Variants in NFYA observed in about 807,000 individuals in gnomAD.
The protein encoded by NFYA is nuclear transcription factor Y subunit alpha, also known as CAAT-box DNA binding protein subunit A.
A neutral mutation model predicts 52.8 loss-of-function variants in NFYA; 28 were observed. That is an observed-to-expected ratio of 0.53 (90% CI 0.39 to 0.73). The LOEUF (loss-of-function observed/expected upper bound fraction) is 0.73, where lower values mean the gene tolerates loss of function less well. NFYA is among the 30% of genes least tolerant of loss of function. The pLI is 0.00. For synonymous variants in NFYA, 150 were observed against 150.7 expected (o/e 1.00, Z 0.03); for missense variants, 234 against 427.0 (o/e 0.55, Z 3.98).
chr6:41,101,785 C>T lies in NFYA; in HGVS notation c.*4375C>T, dbSNP rs1474034058. ...AGCTGGCTCCAGATGAAAAGGGCACCATCTCCAGCTCTTGGAAGCAGAGAG... is the reference window on the plus strand; with the variant it reads ...AGCTGGCTCCAGATGAAAAGGGCACTATCTCCAGCTCTTGGAAGCAGAGAG... On this transcript the variant is annotated 3_prime_UTR_variant, in exon 10 of 10. Transcript: ENST00000341376. 6.6e-6 allele frequency among the ~76,000 whole-genome samples: 1 copy of T among 152,090 alleles called. No individual in the cohort carries two copies. The highest frequency in any genetic ancestry group is 1.9e-4 in the East Asian group (1 of 5,178).
rs10947945 is a variant in NFYA, at chr6:41,083,056, C to T, written c.163-990C>T. On this transcript the variant is annotated intron_variant, in intron 3 of 9. Coordinates refer to ENST00000341376, the MANE Select transcript of NFYA (RefSeq NM_002505.5). Reference sequence around the variant, plus strand: ...TTTCATTAAGTGTGAATATTTCAGTCATGAATATTCTGTTCTAAGTAATTT... The same window carrying T: ...TTTCATTAAGTGTGAATATTTCAGTTATGAATATTCTGTTCTAAGTAATTT... 5.8e-3 allele frequency among the ~76,000 whole-genome samples: 884 copies of T among 152,288 alleles called. 4 individuals carry two copies. Among genetic ancestry groups the T allele is most frequent in the Non-Finnish European group, 9.7e-3 (657 of 68,016 alleles).
Position 41,090,227 on chromosome 6 carries a change from G to T in NFYA, c.465G>T (p.Gln155His). 1.2e-6 allele frequency: 2 copies of T among 1,610,778 alleles called. No individual in the cohort carries two copies. Among genetic ancestry groups the T allele is most frequent in the South Asian group, 1.1e-5 (1 of 91,012 alleles). Residue 155 changes from glutamine (Q) to histidine (H), a missense_variant, in exon 6 of 10, where the codon CAG (glutamine) becomes CAT (histidine). By Grantham distance (24) the Gln-to-His change is conservative. Coordinates refer to ENST00000341376, the MANE Select transcript of NFYA (RefSeq NM_002505.5). ...QTQTQQQIAV[Q>H]GQQVAQTAEG... is the part of the protein sequence containing the mutation. ...AGACACAGCAGCAGATTGCTGTCCA[G>T]GGACAGCAAGTGGCACAGACTGCTG...
chr6:41,082,041 CCTA>C (rs1264491120), intron 3 of NFYA, among the ~76,000 whole-genome samples: 5 of 152,010 alleles, frequency 3.3e-5, no homozygotes, highest in African/African-American at 1.2e-4. Context: ...ATTTGGGTAC[CCTA>C]CTTTTTCCCT....
chr6:41,087,084 G>C (rs915484646), intron 4 of NFYA, among the ~76,000 whole-genome samples: 1 of 151,988 alleles, frequency 6.6e-6, no homozygotes, highest in Admixed American at 6.6e-5. Flanking sequence ...TATAAATAAC[G>C]TTTATGTATT....
chr6:41,078,135 C>A (rs964518145), intron 1 of NFYA, among the ~76,000 whole-genome samples: 2 of 152,188 alleles, frequency 1.3e-5, no homozygotes, highest in African/African-American at 4.8e-5. Context: ...GATATTTCTC[C>A]ACCCATTCAT....
At chr6:41,090,370 A>G in intron 6 of NFYA, 61 bp downstream of exon 6, 3 of 988,222 alleles carry the variant, frequency 3.0e-6, no homozygotes, top group East Asian at 2.4e-5. Flanking sequence ...CCCTTAGACA[A>G]CTGACATCTT....
intron 3 of NFYA, 40 bp downstream of exon 3, chr6:41,080,937 T>G: frequency 6.7e-7 from 1 of 1,500,820 alleles, no homozygotes; most frequent in African/African-American, 1.4e-5. Flanking sequence ...CTGCATGAAC[T>G]TCTCCTCTCC....
chr6:41,073,794 C>T (rs1012924451), intron 1 of NFYA, among the ~76,000 whole-genome samples: 4 of 152,288 alleles, frequency 2.6e-5, no homozygotes, highest in Admixed American at 6.5e-5. Context: ...CGCCCCTCCT[C>T]CCAGCCCGCT....
chr6:41,077,218 A>T (rs9381031), intron 1 of NFYA, among the ~76,000 whole-genome samples: 59,209 of 152,060 alleles, frequency 0.39, 12,174 homozygotes, highest in African/African-American at 0.51. Context: ...CTTATTTTTT[A>T]AAATCAATTT....
At chr6:41,076,616 G>A (rs534740115) in intron 1 of NFYA, among the ~76,000 whole-genome samples, 7 of 152,356 alleles carry the variant, frequency 4.6e-5, no homozygotes, top group African/African-American at 1.4e-4. Flanking sequence ...GCACTGAGAA[G>A]AGAATGCACT....
In NFYA at chr6:41,084,100, A is replaced by G; in HGVS notation, c.217A>G (p.Thr73Ala). 2 of 1,614,106 alleles carry G rather than the reference A, an allele frequency of 1.2e-6. No homozygotes were observed. The highest frequency in any genetic ancestry group is 1.7e-6 in the Non-Finnish European group (2 of 1,179,986). ...QVSGGQLITSTGQPIMVQAVP... is the reference protein window; with the variant it reads ...QVSGGQLITSAGQPIMVQAVP... ...CAGTGGAGGCCAGCTAATCACATCA[A>G]CTGGCCAACCCATCATGGTCCAGGC... Residue 73 changes from threonine (T) to alanine (A), a missense_variant, in exon 4 of 10, where the codon ACT becomes GCT. Around this residue, in one of 3 missense-constraint regions of NFYA, gnomAD observed 118 missense variants for 182.4 expected, o/e 0.65. Transcript: ENST00000341376.
At chr6:41,083,189 A>G (rs1280417949) in intron 3 of NFYA, among the ~76,000 whole-genome samples, 1 of 152,188 alleles carries the variant, frequency 6.6e-6, no homozygotes, top group Admixed American at 6.5e-5. Context: ...TCTATTAGGT[A>G]TTTTTGTATT....
chr6:41,093,441 G>A (rs559760753), intron 8 of NFYA, among the ~76,000 whole-genome samples: 1 of 151,864 alleles, frequency 6.6e-6, no homozygotes, highest in Non-Finnish European at 1.5e-5. Context: ...CTCCAGCCTA[G>A]GAAGAAAGGG....
chr6:41,088,932 A>T (rs549556359), intron 4 of NFYA, among the ~76,000 whole-genome samples: 3 of 152,226 alleles, frequency 2.0e-5, no homozygotes, highest in African/African-American at 7.2e-5. Flanking sequence ...GTACTTCATC[A>T]TTCACCAAAA....
rs1378978532 is a variant in NFYA at position 41,101,100 on chromosome 6, C to T, written c.*3690C>T. On this transcript the variant is annotated 3_prime_UTR_variant, in exon 10 of 10. Transcript: ENST00000341376. The stretch of plus-strand genomic sequence containing the variant: ...CTTGGCGGCGCTGCTTCCCGACCTA[C>T]TGGTCTTTCGGAAGCCTCGGGGATG... 1 of 152,276 alleles carries T rather than the reference C, an allele frequency of 6.6e-6. No homozygotes were observed. Among genetic ancestry groups the T allele is most frequent in the Non-Finnish European group, 1.5e-5 (1 of 68,076 alleles). 9.4% of individuals were successfully genotyped at this position (152,276 alleles called of 1,614,324 possible). A position where few individuals can be genotyped will look rare whatever the true frequency, so the allele number is the denominator to read the frequency against.
intron 1 of NFYA, among the ~76,000 whole-genome samples, chr6:41,076,068 A>C (rs955283543): frequency 2.0e-5 from 3 of 152,142 alleles, no homozygotes; most frequent in Non-Finnish European, 4.4e-5. Context: ...TGAGTTGTGA[A>C]AGAAATTGAG....
intron 1 of NFYA, among the ~76,000 whole-genome samples, chr6:41,073,522 C>T (rs1376070794): frequency 6.6e-6 from 1 of 152,092 alleles, no homozygotes; most frequent in African/African-American, 2.4e-5. Context: ...GCACTCTCCA[C>T]TCTCCGGCCC....
intron 4 of NFYA, among the ~76,000 whole-genome samples, chr6:41,087,387 C>T (rs1764077019): frequency 6.6e-6 from 1 of 152,088 alleles, no homozygotes; most frequent in Non-Finnish European, 1.5e-5. Flanking sequence ...TTTTTCCTAT[C>T]AGCTGGTAGA....
chr6:41,101,062 C>T lies in NFYA; in HGVS notation c.*3652C>T, dbSNP rs1455166901. 1 of 152,274 alleles carries T rather than the reference C, an allele frequency of 6.6e-6. No individual in the cohort carries two copies. The highest frequency in any genetic ancestry group is 2.4e-5 in the African/African-American group (1 of 41,468). The allele number at this position is 152,274 out of a possible 1,614,324, so 9.4% of individuals were successfully genotyped here. ...CGGCATGCGACGCCGCCTCTGTGGC[C>T]TGTGGAGGCCCGCTTGGCGGCGCTG... On this transcript the variant is annotated 3_prime_UTR_variant, in exon 10 of 10. Transcript: ENST00000341376.
Sources: gnomAD v4.1 joint callset for allele counts (sites outside exome capture counted in the v4.1 genomes callset) on GRCh38, gnomAD v4.1.1 for gene constraint, gnomAD v4.1.1 regional missense constraint, MANE v1.5 for transcripts, NCBI Gene and HGNC (gene_info 2026-07-23, HGNC 2026-07-21) for gene names.